CC2D2A: variants seen among roughly 807,000 people sequenced by gnomAD.
The protein encoded by CC2D2A is coiled-coil and C2 domain containing 2A.
Under a neutral mutation model 212.9 loss-of-function variants are expected in CC2D2A, and 155 were observed. The observed-to-expected ratio is 0.73, with a 90% CI of 0.64 to 0.83. The LOEUF (loss-of-function observed/expected upper bound fraction) is 0.83, where lower values mean the gene tolerates loss of function less well. CC2D2A is among the 40% of genes least tolerant of loss of function. CC2D2A has a pLI of 0.00. For synonymous variants in CC2D2A, 667 were observed against 686.5 expected (o/e 0.97, Z 0.44); for missense variants, 1,856 against 1,956.2 (o/e 0.95, Z 0.97).
chr4:15,513,783 C>T (rs1716704928), intron 8 of CC2D2A, among the ~76,000 whole-genome samples: 1 of 152,164 alleles, frequency 6.6e-6, no homozygotes, highest in Non-Finnish European at 1.5e-5. Context: ...TCTCTTTTCA[C>T]TTGTTTGATG....
chr4:15,502,932 T>C lies in CC2D2A; in HGVS notation c.438+9T>C, dbSNP rs775606863. On this transcript the variant is annotated intron_variant, in intron 6 of 36. Transcript: ENST00000424120. The stretch of plus-strand genomic sequence containing the variant: ...CTGAATTTGGCACAGAGGTGAGAAA[T>C]ACCCTCTCTACTTTGTGATCAAAAC... 3.2e-6 allele frequency: 5 copies of C among 1,577,120 alleles called. No homozygotes were observed. The East Asian group carries it at 1.1e-4, about 36-fold the overall frequency.
At chr4:15,479,458 A>C in intron 3 of CC2D2A, 1 of 759,898 alleles carries the variant, frequency 1.3e-6, no homozygotes, top group Non-Finnish European at 2.2e-6. Context: ...ATTTTGAGCC[A>C]GCAGTCACGT....
intron 1 of CC2D2A, among the ~76,000 whole-genome samples, chr4:15,474,966 GAAGTA>G (rs1714079319): frequency 6.6e-6 from 1 of 152,216 alleles, no homozygotes; most frequent in South Asian, 2.1e-4. Context: ...GCTAGAAAGA[GAAGTA>G]AAGTTAAGAG....
intron 30 of CC2D2A, among the ~76,000 whole-genome samples, chr4:15,584,523 T>G (rs1400305937): frequency 6.6e-6 from 1 of 152,176 alleles, no homozygotes; most frequent in African/African-American, 2.4e-5. Context: ...ATGAATTAAA[T>G]GTAAGAACTG....
chr4:15,550,450 C>A (rs1194946028), intron 17 of CC2D2A, among the ~76,000 whole-genome samples: 6 of 152,210 alleles, frequency 3.9e-5, no homozygotes, highest in African/African-American at 1.4e-4. Flanking sequence ...TCCTTACTGT[C>A]CCACCCATTC....
intron 4 of CC2D2A, among the ~76,000 whole-genome samples, chr4:15,493,419 C>T (rs1715432062): frequency 6.6e-6 from 1 of 152,080 alleles, no homozygotes; most frequent in South Asian, 2.1e-4. Context: ...GTAGCTGGGA[C>T]TACAGGTGTA....
At chr4:15,522,057 C>T (rs1717233138) in intron 11 of CC2D2A, among the ~76,000 whole-genome samples, 1 of 152,076 alleles carries the variant, frequency 6.6e-6, no homozygotes, top group South Asian at 2.1e-4. Flanking sequence ...AAAAGGTAAC[C>T]AGACATGGTG....
At chr4:15,558,927 C>T (rs1316097059) in intron 21 of CC2D2A, among the ~76,000 whole-genome samples, 6 of 152,250 alleles carry the variant, frequency 3.9e-5, no homozygotes, top group East Asian at 3.9e-4. Context: ...CCTGACTTAA[C>T]GTTTTAACTT....
In CC2D2A at chr4:15,514,731, G is replaced by T. The variant is rs1195755333; in HGVS notation, c.742G>T (p.Asp248Tyr). The T allele has an allele frequency of 1.3e-6, 2 of 1,598,344 alleles. No homozygotes were observed. Among genetic ancestry groups the T allele is most frequent in the Non-Finnish European group, 1.7e-6 (2 of 1,168,988 alleles). Residue 248 changes from aspartate (D) to tyrosine (Y), a missense_variant, in exon 9 of 37, where the codon GAT becomes TAT. Around this residue, in one of 5 missense-constraint regions of CC2D2A, gnomAD observed 1,512 missense variants for 1,579.3 expected, o/e 0.96. Transcript: ENST00000424120. ...EMDEEELLNG[D>Y]DAEDFLLGLD... ...GGATGAGGAAGAACTGCTTAATGGT[G>T]ATGATGCCGAGGACTTCCTATTGGG...
At chr4:15,573,950 C>A (rs1720281743) in intron 28 of CC2D2A, among the ~76,000 whole-genome samples, 200 bp from the exon 29 acceptor site, 1 of 152,122 alleles carries the variant, frequency 6.6e-6, no homozygotes, top group African/African-American at 2.4e-5. Flanking sequence ...CTCTGCTAAA[C>A]AATGAAAAGA....
At chr4:15,583,723 G>C (rs561396632) in intron 30 of CC2D2A, among the ~76,000 whole-genome samples, 1 of 152,136 alleles carries the variant, frequency 6.6e-6, no homozygotes, top group South Asian at 2.1e-4. Context: ...GCCGAGGCGG[G>C]CGGATCACGA....
At chr4:15,476,237 C>T (rs1401012869) in intron 2 of CC2D2A, among the ~76,000 whole-genome samples, 1 of 152,176 alleles carries the variant, frequency 6.6e-6, no homozygotes, top group Non-Finnish European at 1.5e-5. Context: ...AAGTGGAGTA[C>T]AGAAACAGCT....
intron 4 of CC2D2A, among the ~76,000 whole-genome samples, chr4:15,498,905 T>C (rs1246443201): frequency 2.0e-5 from 3 of 152,224 alleles, no homozygotes; most frequent in Non-Finnish European, 4.4e-5. Context: ...TTCGCTGATC[T>C]AATACTACAA....
chr4:15,597,820 A>G (rs369253264), intron 35 of CC2D2A, among the ~76,000 whole-genome samples: 12 of 152,328 alleles, frequency 7.9e-5, no homozygotes, highest in Middle Eastern at 3.4e-3. Context: ...TTATGGACCT[A>G]ACACATGGAG....
At chr4:15,507,327 G>T (rs1241727195) in intron 6 of CC2D2A, among the ~76,000 whole-genome samples, 1 of 152,182 alleles carries the variant, frequency 6.6e-6, no homozygotes, top group African/African-American at 2.4e-5. Context: ...ACTGTATACA[G>T]TTGCTTGATA....
chr4:15,475,532 GA>G, intron 1 of CC2D2A, among the ~76,000 whole-genome samples: 1 of 152,254 alleles, frequency 6.6e-6, no homozygotes, highest in Middle Eastern at 3.4e-3. Context: ...GGTGGGAGGG[GA>G]AGGGGATGTA....
In CC2D2A at chr4:15,475,835, A is replaced by G. The variant is rs1480651823; in HGVS notation, c.-18-80A>G. 3.4e-5 allele frequency: 39 copies of G among 1,137,634 alleles called. No homozygotes were observed. In the Admixed American group the frequency reaches 7.7e-4, roughly 23 times the overall value. 70.5% of individuals were successfully genotyped at this position (1,137,634 alleles called of 1,614,324 possible). A position where few individuals can be genotyped will look rare whatever the true frequency, so the allele number is the denominator to read the frequency against. ...AAACACTTCACTTACCATCATGGCC[A>G]GCCTCTTACATATCCATAGTAAGAG... On this transcript the variant is annotated intron_variant, in intron 1 of 36. Transcript: ENST00000424120.
intron 17 of CC2D2A, chr4:15,543,866 A>G (rs1383631175): frequency 1.3e-5 from 2 of 152,222 alleles, no homozygotes; most frequent in Non-Finnish European, 2.9e-5. Flanking sequence ...ATGTACAATT[A>G]TTTGAGCCAC....
At chr4:15,523,133 G>A (rs180710680) in intron 11 of CC2D2A, among the ~76,000 whole-genome samples, 2 of 151,060 alleles carry the variant, frequency 1.3e-5, no homozygotes, top group Admixed American at 1.3e-4. Flanking sequence ...AAAAAAAGTT[G>A]TTGAAAAGCA....
Sources: allele counts gnomAD v4.1 joint callset (sites outside exome capture counted in the v4.1 genomes callset), GRCh38; gene constraint gnomAD v4.1.1; regional missense constraint gnomAD v4.1.1; transcripts MANE v1.5; gene names NCBI Gene and HGNC (gene_info 2026-07-23, HGNC 2026-07-21).